Variants in LARP4B observed in about 807,000 individuals in gnomAD.
LARP4B encodes La ribonucleoprotein 4B.
LARP4B carries 12 observed loss-of-function variants against 89.8 expected under a neutral mutation model. The observed-to-expected ratio is 0.13, with a 90% CI of 0.09 to 0.22. The LOEUF (loss-of-function observed/expected upper bound fraction) is 0.22. Among genes scored for constraint, LARP4B ranks in the 10% least tolerant of loss-of-function variants. LARP4B has a pLI of 1.00. For synonymous variants in LARP4B, 367 were observed against 363.3 expected (o/e 1.01, Z -0.12); for missense variants, 757 against 947.7 (o/e 0.80, Z 2.64).
intron 13 of LARP4B, among the ~76,000 whole-genome samples, chr10:824,054 G>A (rs1210846512): frequency 1.3e-5 from 2 of 152,212 alleles, no homozygotes; most frequent in Non-Finnish European, 2.9e-5. Flanking sequence ...GCAGGAAGAG[G>A]AGCTTGCACG....
At chr10:876,078 A>G (rs56113371) in intron 3 of LARP4B, among the ~76,000 whole-genome samples, 17,091 of 152,204 alleles carry the variant, frequency 0.11, 1,134 homozygotes, top group Non-Finnish European at 0.15. Flanking sequence ...CAATGGTGGG[A>G]CAGGCACACA....
chr10:908,174 C>G (rs905228384), intron 1 of LARP4B, among the ~76,000 whole-genome samples: 22 of 152,170 alleles, frequency 1.4e-4, no homozygotes, highest in African/African-American at 4.6e-4. Flanking sequence ...GATCATGCCA[C>G]TGCACTCCAG....
At chr10:925,438 G>A (rs970574812) in intron 1 of LARP4B, among the ~76,000 whole-genome samples, 1 of 152,052 alleles carries the variant, frequency 6.6e-6, no homozygotes, top group African/African-American at 2.4e-5. Flanking sequence ...TTTCAATATT[G>A]CAATTGTTTC....
At chr10:829,354 A>G in intron 11 of LARP4B, 31 bp downstream of exon 11, 1 of 1,536,340 alleles carries the variant, frequency 6.5e-7, no homozygotes, top group Non-Finnish European at 8.8e-7. Context: ...TAGTGTCTAC[A>G]ACATAAATTC....
chr10:872,694 G>A (rs1019894514), intron 3 of LARP4B, among the ~76,000 whole-genome samples: 8 of 152,118 alleles, frequency 5.3e-5, no homozygotes, highest in Non-Finnish European at 1.0e-4. Context: ...TGCAGGCCTC[G>A]GTCAGAAGGC....
chr10:833,279 A>AAAAC (rs1833017033), intron 8 of LARP4B, among the ~76,000 whole-genome samples: 1 of 139,484 alleles, frequency 7.2e-6, no homozygotes, highest in Non-Finnish European at 1.6e-5. Flanking sequence ...AAAAAAAAAA[A>AAAAC]AAAAACCTCA....
At chr10:820,964 C>G in intron 13 of LARP4B, 119 bp from the exon 14 acceptor site, 5 of 836,418 alleles carry the variant, frequency 6.0e-6, no homozygotes, top group South Asian at 1.7e-5. Context: ...CACTTTGAAA[C>G]CTTTCAAAGA....
Position 884,496 on chromosome 10 carries a change from G to C in LARP4B, c.92C>G (p.Pro31Arg). 1.2e-6 allele frequency: 2 copies of C among 1,600,978 alleles called. No individual in the cohort carries two copies. Among genetic ancestry groups the C allele is most frequent in the East Asian group, 2.2e-5 (1 of 44,722 alleles). ...GKDSAHLMNG[P>R]ISQTTSQTSS... ...TGTCTGAGAAGTGGTTTGAGATATA[G>C]GACCATTCATCTGTAAAATTGAAAA... Residue 31 changes from proline (P) to arginine (R), a missense_variant, in exon 3 of 18, where the codon CCT (proline) becomes CGT (arginine). Transcript: ENST00000316157.
At chr10:966,978 A>G in the LARP4B span, among the ~76,000 whole-genome samples, 1 of 152,268 alleles carries the variant, frequency 6.6e-6, no homozygotes, top group African/African-American at 2.4e-5. Flanking sequence ...ATCGTCTCCA[A>G]GACAAGGCGT....
At chr10:984,851 A>AAG in the LARP4B span, among the ~76,000 whole-genome samples, 1 of 152,144 alleles carries the variant, frequency 6.6e-6, no homozygotes, top group Non-Finnish European at 1.5e-5. Context: ...AGAATTGCTT[A>AAG]AACCTGGGAG....
At chr10:827,369 T>C (rs773102957) in intron 11 of LARP4B, among the ~76,000 whole-genome samples, 6 of 152,190 alleles carry the variant, frequency 3.9e-5, no homozygotes, top group Non-Finnish European at 8.8e-5. Context: ...GGACTAATCA[T>C]TTCCAGCAAG....
rs1042068969 is a variant in LARP4B, at chr10:825,324, T to C, written c.1233-8A>G. 3 of 1,612,090 alleles carry C rather than the reference T, an allele frequency of 1.9e-6. No individual in the cohort carries two copies. The East Asian group carries it at 6.7e-5, about 36-fold the overall frequency. ...TGAGATTTACTAGGATTCCTGTAAA[T>C]AAAAATGGTTTTATGTGTTGAGTTA... On this transcript the variant is annotated splice_polypyrimidine_tract_variant and splice_region_variant and intron_variant, in intron 12 of 17. Coordinates refer to ENST00000316157, the MANE Select transcript of LARP4B (RefSeq NM_015155.3).
At chr10:863,599 C>A in intron 5 of LARP4B, 144 bp downstream of exon 5, 1 of 878,010 alleles carries the variant, frequency 1.1e-6, no homozygotes, top group Admixed American at 2.9e-5. Context: ...ATCTTCTCTG[C>A]ATCCACATAA....
rs1409271866 is a variant in LARP4B, at chr10:825,322, A to G, written c.1233-6T>C. ...GATGAGATTTACTAGGATTCCTGTA[A>G]ATAAAAATGGTTTTATGTGTTGAGT... On this transcript the variant is annotated splice_polypyrimidine_tract_variant and splice_region_variant and intron_variant, in intron 12 of 17. Transcript: ENST00000316157. 6.2e-7 allele frequency: 1 copy of G among 1,612,116 alleles called. No individual in the cohort carries two copies. Among genetic ancestry groups the G allele is most frequent in the Non-Finnish European group, 8.5e-7 (1 of 1,178,728 alleles).
At chr10:823,399 A>C (rs1410954581) in intron 13 of LARP4B, among the ~76,000 whole-genome samples, 1 of 152,170 alleles carries the variant, frequency 6.6e-6, no homozygotes, top group Non-Finnish European at 1.5e-5. Context: ...TTGCATTTGG[A>C]AGTTCAAGTA....
At chr10:974,587 G>C in the LARP4B span, among the ~76,000 whole-genome samples, 1 of 152,162 alleles carries the variant, frequency 6.6e-6, no homozygotes, top group African/African-American at 2.4e-5. Flanking sequence ...GGGCTGTGGC[G>C]TGCACACTGT....
In LARP4B at chr10:866,729, C is replaced by T. The variant is rs370134743; in HGVS notation, c.142-2459G>A. ...CCCCTCAGCTCATGCACATACTACA[C>T]GTGCTTTAAATTCCCAACACTAACT... On this transcript the variant is annotated intron_variant, in intron 3 of 17. Transcript: ENST00000316157. Among the ~76,000 whole-genome samples, 97 of 152,344 alleles carry T rather than the reference C, an allele frequency of 6.4e-4. 1 individual carries two copies. The highest frequency in any genetic ancestry group is 1.1e-3 in the Non-Finnish European group (74 of 68,034).
At chr10:917,500 C>G (rs147686239) in intron 1 of LARP4B, among the ~76,000 whole-genome samples, 9 of 152,302 alleles carry the variant, frequency 5.9e-5, no homozygotes, top group African/African-American at 1.9e-4. Context: ...TATGACCAGA[C>G]TGGTTTAAAG....
chr10:896,159 C>T lies in LARP4B; in HGVS notation c.-39-10399G>A, dbSNP rs559537568. ...TGAAACTACACTGCTCAGTCCTGTT[C>T]ACTAAGATAATGGTTCTCAATGTGT... On this transcript the variant is annotated intron_variant, in intron 1 of 17. Coordinates refer to ENST00000316157, the MANE Select transcript of LARP4B (RefSeq NM_015155.3). Among the ~76,000 whole-genome samples, 12 of 152,336 alleles carry T rather than the reference C, an allele frequency of 7.9e-5. No homozygotes were observed. In the East Asian group the frequency reaches 1.9e-3, roughly 24 times the overall value.
Sources: gnomAD v4.1 joint callset for allele counts (sites outside exome capture counted in the v4.1 genomes callset) on GRCh38, gnomAD v4.1.1 for gene constraint, MANE v1.5 for transcripts, NCBI Gene and HGNC (gene_info 2026-07-23, HGNC 2026-07-21) for gene names.